Variants in SLC28A3 observed in about 807,000 individuals in gnomAD.
The protein encoded by SLC28A3 is solute carrier family 28 member 3.
In SLC28A3, 68 loss-of-function variants were observed where a neutral mutation model predicts 84.2. That is an observed-to-expected ratio of 0.81 (90% CI 0.66 to 0.99). The LOEUF is 0.99. SLC28A3 is among the 50% of genes least tolerant of loss of function. SLC28A3 has a pLI of 0.00. For missense variants in SLC28A3, 712 were observed against 841.5 expected (o/e 0.85, Z 1.90); for synonymous variants, 267 against 303.6 (o/e 0.88, Z 1.25).
chr9:84,334,596 T>G (rs1826904205), intron 1 of SLC28A3, among the ~76,000 whole-genome samples: 2 of 151,710 alleles, frequency 1.3e-5, no homozygotes. Context: ...TTTGTTTTTA[T>G]GTATTTTTCT....
rs200353586 is a variant in SLC28A3, at chr9:84,297,937, A to G, written c.752T>C (p.Ile251Thr). ...LLILRTDPGF[I>T]AFDWLGRQVQ... is the part of the protein sequence containing the mutation. ...TTGTCTGCCCAACCAATCAAAAGCT[A>G]TAAATCCAGGGTCAGTCCTTAGAAT... The change falls in exon 7 of 18, where the codon ATA (isoleucine) becomes ACA (threonine). Residue 251 changes from isoleucine (I) to threonine (T), a missense_variant. Transcript: ENST00000376238. 1.2e-6 allele frequency: 2 copies of G among 1,608,278 alleles called. No homozygotes were observed. Among genetic ancestry groups the G allele is most frequent in the East Asian group, 2.2e-5 (1 of 44,842 alleles).
chr9:84,314,491 T>C (rs1297600810), intron 1 of SLC28A3, among the ~76,000 whole-genome samples: 1 of 152,228 alleles, frequency 6.6e-6, no homozygotes, highest in African/African-American at 2.4e-5. Flanking sequence ...TGTATGACTC[T>C]AATTTTAACT....
chr9:84,327,201 T>C (rs886820481), intron 1 of SLC28A3, among the ~76,000 whole-genome samples: 4 of 152,060 alleles, frequency 2.6e-5, no homozygotes. Flanking sequence ...TCAATTATTT[T>C]CCCCAGTTTT....
At chr9:84,334,628 A>AT (rs201607400) in intron 1 of SLC28A3, among the ~76,000 whole-genome samples, 61,915 of 148,430 alleles carry the variant, frequency 0.42, 14,411 homozygotes, top group Middle Eastern at 0.55. Flanking sequence ...TTCACAACGA[A>AT]TTTTTTTTTT....
intron 1 of SLC28A3, among the ~76,000 whole-genome samples, chr9:84,334,142 T>C (rs1223882034): frequency 6.6e-6 from 1 of 152,052 alleles, no homozygotes; most frequent in Non-Finnish European, 1.5e-5. Flanking sequence ...CCGTCTCTAC[T>C]AAAAATACAA....
chr9:84,279,710 C>A (rs979689185), intron 16 of SLC28A3, among the ~76,000 whole-genome samples: 2 of 152,246 alleles, frequency 1.3e-5, no homozygotes, highest in African/African-American at 4.8e-5. Context: ...CCGCCTTGGC[C>A]TCCCAGTGTG....
intron 1 of SLC28A3, among the ~76,000 whole-genome samples, chr9:84,320,131 C>T (rs1018638416): frequency 2.1e-5 from 3 of 140,922 alleles, no homozygotes; most frequent in African/African-American, 8.1e-5. Flanking sequence ...CTCACTGCAA[C>T]CTCAACCTCC....
rs1824684357 is a variant in SLC28A3 at position 84,280,067 on chromosome 9, A to G, written c.1736T>C (p.Met579Thr). Residue 579 changes from methionine (M) to threonine (T), a missense_variant, in exon 16 of 18, where the codon ATG (methionine) becomes ACG (threonine). Physicochemically the swap from Met to Thr is moderately conservative, Grantham distance 81. Transcript: ENST00000376238. ...LGIVIGGLTS[M>T]APSRKRDIAS... Reference sequence around the variant, plus strand: ...GATATCACGCTTTCTGGAAGGAGCCATGGATGCTGGGAAACATGGAAGGAG... The same window carrying G: ...GATATCACGCTTTCTGGAAGGAGCCGTGGATGCTGGGAAACATGGAAGGAG... 3.1e-6 allele frequency: 5 copies of G among 1,613,598 alleles called. No individual in the cohort carries two copies. Among genetic ancestry groups the G allele is most frequent in the Non-Finnish European group, 4.2e-6 (5 of 1,179,910 alleles).
At chr9:84,285,163 T>A (rs1027579168) in intron 14 of SLC28A3, among the ~76,000 whole-genome samples, 182 bp downstream of exon 14, 4 of 152,216 alleles carry the variant, frequency 2.6e-5, no homozygotes, top group Admixed American at 6.5e-5. Flanking sequence ...TAATTCAACA[T>A]AACTGAAAGT....
At chr9:84,328,153 G>T (rs1826636566) in intron 1 of SLC28A3, among the ~76,000 whole-genome samples, 1 of 45,850 alleles carries the variant, frequency 2.2e-5, no homozygotes, top group South Asian at 7.9e-4. Context: ...AGGGGGAAAA[G>T]ACTACACACA....
chr9:84,335,719 G>A (rs1458962894), intron 1 of SLC28A3, among the ~76,000 whole-genome samples: 3 of 92,200 alleles, frequency 3.3e-5, no homozygotes, highest in African/African-American at 8.7e-5. Flanking sequence ...ATACGTGTGT[G>A]TGTGTGTGTG....
At chr9:84,320,061 T>TTTTTTTGTTTTTTG (rs1564170505) in intron 1 of SLC28A3, among the ~76,000 whole-genome samples, 3 of 137,008 alleles carry the variant, frequency 2.2e-5, no homozygotes, top group African/African-American at 8.6e-5. Flanking sequence ...TTTTTTTTTT[T>TTTTTTTGTTTTTTG]TTTTTTGAGA....
At chr9:84,334,626 G>A (rs1033829567) in intron 1 of SLC28A3, among the ~76,000 whole-genome samples, 3 of 112,318 alleles carry the variant, frequency 2.7e-5, no homozygotes, top group African/African-American at 8.0e-5. Context: ...ATTTCACAAC[G>A]AATTTTTTTT....
At chr9:84,296,813 C>T (rs1410659404) in intron 8 of SLC28A3, among the ~76,000 whole-genome samples, 2 of 152,176 alleles carry the variant, frequency 1.3e-5, no homozygotes, top group East Asian at 1.9e-4. Context: ...GAGGGGCTTT[C>T]GAATACAGAG....
At chr9:84,334,470 T>C (rs1826899564) in intron 1 of SLC28A3, among the ~76,000 whole-genome samples, 1 of 152,160 alleles carries the variant, frequency 6.6e-6, no homozygotes, top group South Asian at 2.1e-4. Context: ...TCACCCCTGG[T>C]TGGGTTTACC....
Position 84,291,525 on chromosome 9 carries a change from G to A in SLC28A3, c.1023+1143C>T, listed in dbSNP as rs576947895. Among the ~76,000 whole-genome samples, 20 of 152,226 alleles carry A rather than the reference G, an allele frequency of 1.3e-4. No individual in the cohort carries two copies. In the South Asian group the frequency reaches 3.3e-3, roughly 25 times the overall value. ...CTAATTTTGTGTTTTTAGTAGAGACGGGGTTTCTCCGTGTTGGTCAGGCTG... is the reference window on the plus strand; with the variant it reads ...CTAATTTTGTGTTTTTAGTAGAGACAGGGTTTCTCCGTGTTGGTCAGGCTG... On this transcript the variant is annotated intron_variant, in intron 10 of 17. Coordinates refer to ENST00000376238, the MANE Select transcript of SLC28A3 (RefSeq NM_001199633.2).
chr9:84,348,694 T>G, the SLC28A3 span, among the ~76,000 whole-genome samples: 20 of 152,318 alleles, frequency 1.3e-4, no homozygotes, highest in East Asian at 3.7e-3. Context: ...AGCTCTGCCC[T>G]CATAAATGGA....
intron 1 of SLC28A3, among the ~76,000 whole-genome samples, chr9:84,325,160 A>G (rs1171334532): frequency 6.6e-6 from 1 of 150,818 alleles, no homozygotes; most frequent in Admixed American, 6.6e-5. Flanking sequence ...TTTCTTTACT[A>G]CTCTTTTTAT....
intron 9 of SLC28A3, among the ~76,000 whole-genome samples, chr9:84,293,709 C>T (rs1359982688): frequency 6.6e-6 from 1 of 152,172 alleles, no homozygotes; most frequent in Non-Finnish European, 1.5e-5. Context: ...CATGCACGCT[C>T]ATGCTTATGA....
Sources: allele counts gnomAD v4.1 joint callset (sites outside exome capture counted in the v4.1 genomes callset), GRCh38; gene constraint gnomAD v4.1.1; transcripts MANE v1.5; gene names NCBI Gene and HGNC (gene_info 2026-07-23, HGNC 2026-07-21).